DSC1: variants seen among roughly 807,000 people sequenced by gnomAD.
DSC1 encodes the protein desmocollin-1.
DSC1 carries 79 observed loss-of-function variants against 98.8 expected under a neutral mutation model. The ratio of observed to expected loss-of-function variants is 0.80; its 90% CI spans 0.67 to 0.96. DSC1 has a LOEUF of 0.96. DSC1 is among the 50% of genes least tolerant of loss of function. DSC1 has a pLI of 0.00. For synonymous variants in DSC1, 405 were observed against 372.1 expected (o/e 1.09, Z -1.02); for missense variants, 1,115 against 1,075.9 (o/e 1.04, Z -0.51).
rs1355197261 is a variant in DSC1, at chr18:31,134,146, A to G, written c.1877-16T>C. On this transcript the variant is annotated splice_polypyrimidine_tract_variant and intron_variant, in intron 12 of 15. Coordinates refer to ENST00000257198, the MANE Select transcript of DSC1 (RefSeq NM_024421.2). The stretch of plus-strand genomic sequence containing the variant: ...GCAGTTTTACCTAGGGAAAAAAAAG[A>G]CAGAATATATATGGATTGGCTGTTT... 1.9e-6 allele frequency: 3 copies of G among 1,599,332 alleles called. No individual in the cohort carries two copies. Among genetic ancestry groups the G allele is most frequent in the East Asian group, 4.5e-5 (2 of 44,784 alleles).
At chr18:31,132,163 T>G (rs1988507656) in intron 14 of DSC1, 1 of 387,840 alleles carries the variant, frequency 2.6e-6, no homozygotes, top group Non-Finnish European at 4.8e-6. Flanking sequence ...AAAGGGGAAA[T>G]TTGGACACAG....
In DSC1 at chr18:31,134,700, A is replaced by G. The variant is rs751211588; in HGVS notation, c.1748T>C (p.Ile583Thr). 1.2e-6 allele frequency: 2 copies of G among 1,613,144 alleles called. No homozygotes were observed. Among genetic ancestry groups the G allele is most frequent in the Admixed American group, 3.3e-5 (2 of 59,852 alleles). The stretch of plus-strand genomic sequence containing the variant: ...AGCAAAATCCTCATTATTCTGACAA[A>G]TGGTCACTTCTTTGTCAATTTGAGG... ...HAPQIDKEVT[I>T]CQNNEDFAVL... is the part of the protein sequence containing the mutation. Residue 583 changes from isoleucine to threonine, a missense_variant, in exon 12 of 16, where the codon ATT becomes ACT. By Grantham distance (89) the Ile-to-Thr change is moderately conservative. Transcript: ENST00000257198.
At chr18:31,162,188 T>C (rs1568007302) in intron 1 of DSC1, among the ~76,000 whole-genome samples, 1 of 152,232 alleles carries the variant, frequency 6.6e-6, no homozygotes, top group Non-Finnish European at 1.5e-5. Context: ...GTTTATGTAA[T>C]CACTGGTAGC....
intron 3 of DSC1, 67 bp from the exon 4 acceptor site, chr18:31,156,229 C>T: frequency 1.3e-6 from 2 of 1,566,930 alleles, no homozygotes; most frequent in Non-Finnish European, 1.7e-6. Context: ...GATTATTTTA[C>T]ACATACATCA....
intron 5 of DSC1, among the ~76,000 whole-genome samples, chr18:31,148,966 A>G (rs1469298547): frequency 6.6e-6 from 1 of 152,214 alleles, no homozygotes; most frequent in Non-Finnish European, 1.5e-5. Flanking sequence ...ACGTGTTTTT[A>G]AAGTTTATAA....
At chr18:31,159,930 C>T (rs1189470446) in intron 1 of DSC1, among the ~76,000 whole-genome samples, 3 of 152,162 alleles carry the variant, frequency 2.0e-5, no homozygotes, top group Non-Finnish European at 4.4e-5. Context: ...CTCTAATCAT[C>T]ATTTTACTAT....
intron 12 of DSC1, 31 bp downstream of exon 12, chr18:31,134,541 A>G (rs766343383): frequency 1.3e-6 from 2 of 1,530,724 alleles, no homozygotes; most frequent in South Asian, 1.2e-5. Context: ...TGAAGTCCGT[A>G]TTGACTATAA....
intron 8 of DSC1, among the ~76,000 whole-genome samples, chr18:31,143,251 GT>G (rs201924068): frequency 8.7e-4 from 132 of 151,878 alleles, no homozygotes; most frequent in African/African-American, 3.1e-3. Flanking sequence ...TACTGTCTCC[GT>G]AGGCTAGTTC....
At position 31,130,731 on chromosome 18, in the gene DSC1, A is replaced by T. The variant is rs753733385; in HGVS notation, c.2488-20T>A. On this transcript the variant is annotated intron_variant, in intron 15 of 15. Coordinates refer to ENST00000257198, the MANE Select transcript of DSC1 (RefSeq NM_024421.2). ...CACCTTCTGTATCAAAAAAGAGCAC[A>T]TTTTATTATTTTTTAAAAAACACCT... 3 of 1,612,526 alleles carry T rather than the reference A, an allele frequency of 1.9e-6. No individual in the cohort carries two copies. Among genetic ancestry groups the T allele is most frequent in the African/African-American group, 2.7e-5 (2 of 74,710 alleles).
chr18:31,135,160 T>C (rs1486090239), intron 11 of DSC1, among the ~76,000 whole-genome samples: 1 of 152,176 alleles, frequency 6.6e-6, no homozygotes, highest in Non-Finnish European at 1.5e-5. Context: ...AGCTTCTCCA[T>C]TGCATCATAT....
In DSC1 at chr18:31,162,661, C is replaced by G; in HGVS notation, c.-67G>C. 1 of 1,452,638 alleles carries G rather than the reference C, an allele frequency of 6.9e-7. No homozygotes were observed. The highest frequency in any genetic ancestry group is 9.7e-7 in the Non-Finnish European group (1 of 1,035,626). 90.0% of individuals were successfully genotyped at this position (1,452,638 alleles called of 1,614,324 possible). A position where few individuals can be genotyped will look rare whatever the true frequency, so the allele number is the denominator to read the frequency against. ...GGGCAGCCTGGGATGCACAGAGCGG[C>G]TAAGAAGACGCTGGCACTTGCACAG... is the stretch of plus-strand genomic sequence containing the variant. On this transcript the variant is annotated 5_prime_UTR_variant, in exon 1 of 16. Transcript: ENST00000257198.
At chr18:31,133,213 G>T (rs1483963374) in intron 13 of DSC1, among the ~76,000 whole-genome samples, 1 of 151,866 alleles carries the variant, frequency 6.6e-6, no homozygotes, top group African/African-American at 2.4e-5. Context: ...GGTTCTTTGG[G>T]GTCAGAGGGA....
At position 31,157,539 on chromosome 18, in the gene DSC1, T is replaced by A. The variant is rs144414179; in HGVS notation, c.183A>T (p.Leu61=). 3 of 1,614,082 alleles carry A rather than the reference T, an allele frequency of 1.9e-6. No homozygotes were observed. Among genetic ancestry groups the A allele is most frequent in the Non-Finnish European group, 2.5e-6 (3 of 1,180,030 alleles). Residue 61 remains leucine (L), a synonymous_variant, in exon 3 of 16, where the codon CTA becomes CTT. Transcript: ENST00000257198. The part of the protein sequence containing the change: ...NLEECLKSAS[L]IRSSDPAFRI... ...TGAAGGCAGGGTCACTGGACCGGAT[T>A]AGGCTGGCCGACTTGAGACACTCCT... is the stretch of plus-strand genomic sequence containing the variant.
chr18:31,159,051 T>TTTTTTTTTTTG lies in DSC1; in HGVS notation c.148+393_148+394insCAAAAAAAAAA, dbSNP rs1989157013. Reference sequence around the variant, plus strand: ...ACTTCAAGTAGCTACTATGTGGTTTTTTTTTTTTTTTTTGAGACAGAGTCT... The same window carrying TTTTTTTTTTTG: ...ACTTCAAGTAGCTACTATGTGGTTTTTTTTTTTTTTGTTTTTTTTTTTTTGAGACAGAGTCT... On this transcript the variant is annotated intron_variant, in intron 2 of 15. Transcript: ENST00000257198. Among the ~76,000 whole-genome samples, 2 of 88,136 alleles carry TTTTTTTTTTTG rather than the reference T, an allele frequency of 2.3e-5. 1 individual carries two copies. Among genetic ancestry groups the TTTTTTTTTTTG allele is most frequent in the Non-Finnish European group, 4.6e-5 (2 of 43,562 alleles). 57.8% of individuals were successfully genotyped at this position (88,136 alleles called of 152,430 possible).
rs533008797 is a variant in DSC1 at position 31,143,758 on chromosome 18, G to A, written c.973C>T (p.Arg325Ter). ...CDTYQLIMEV[R>*]DMGGQPFGLF... Reference sequence around the variant, plus strand: ...CCGAAAGGCTGACCACCCATGTCTCGCACTTCCATTATTAACTGGTAAGTA... The same window carrying A: ...CCGAAAGGCTGACCACCCATGTCTCACACTTCCATTATTAACTGGTAAGTA... The change falls in exon 8 of 16, where the codon CGA becomes TGA. Residue 325 changes from arginine (R) to a stop codon, truncating the protein, a stop_gained. Transcript: ENST00000257198. LOFTEE classifies it high-confidence loss of function. 54 of 1,596,856 alleles carry A rather than the reference G, an allele frequency of 3.4e-5. No individual in the cohort carries two copies. The highest frequency in any genetic ancestry group is 4.4e-5 in the Non-Finnish European group (52 of 1,171,558).
chr18:31,159,047 G>GTTTTTTTTTTTTTTTTTTTTTTTTTTT (rs560889140), intron 2 of DSC1, among the ~76,000 whole-genome samples: 1 of 71,098 alleles, frequency 1.4e-5, no homozygotes, highest in African/African-American at 5.8e-5. Flanking sequence ...CTACTATGTG[G>GTTTTTTTTTTTTTTTTTTTTTTTTTTT]TTTTTTTTTT....
At chr18:31,153,389 A>G (rs1052224169) in intron 5 of DSC1, among the ~76,000 whole-genome samples, 1 of 152,188 alleles carries the variant, frequency 6.6e-6, no homozygotes, top group Non-Finnish European at 1.5e-5. Context: ...AGTGATTGCA[A>G]TGGTGCTTAG....
intron 7 of DSC1, 47 bp downstream of exon 7, chr18:31,145,564 A>T (rs765518369): frequency 6.3e-7 from 1 of 1,598,526 alleles, no homozygotes. Context: ...GTTCATTCTC[A>T]GTTTAAATGT....
intron 1 of DSC1, among the ~76,000 whole-genome samples, chr18:31,160,932 T>C (rs1394011428): frequency 4.6e-5 from 7 of 152,112 alleles, no homozygotes; most frequent in Non-Finnish European, 1.0e-4. Flanking sequence ...TTCTAAGAAA[T>C]GCAACGTTAG....
Sources: gnomAD v4.1 joint callset for allele counts (sites outside exome capture counted in the v4.1 genomes callset) on GRCh38, gnomAD v4.1.1 for gene constraint, MANE v1.5 for transcripts, NCBI Gene and HGNC (gene_info 2026-07-23, HGNC 2026-07-21) for gene names.